Variants in ACVR2A observed in about 807,000 individuals in gnomAD.
ACVR2A encodes the protein activin receptor type-2A.
Under a neutral mutation model 61.4 loss-of-function variants are expected in ACVR2A, and 7 were observed. The observed-to-expected ratio is 0.11, with a 90% CI of 0.06 to 0.21. The LOEUF (loss-of-function observed/expected upper bound fraction) is 0.21, where lower values mean the gene tolerates loss of function less well. ACVR2A is among the 10% of genes least tolerant of loss of function. The pLI is 1.00. For missense variants in ACVR2A, 322 were observed against 621.7 expected, an observed-to-expected ratio of 0.52 and a Z score of 5.13; for synonymous variants, 193 against 208.3, an observed-to-expected ratio of 0.93 and a Z score of 0.63.
chr2:147,892,434 C>T lies in ACVR2A; in HGVS notation c.56-3867C>T, dbSNP rs569068076. On this transcript the variant is annotated intron_variant, in intron 1 of 10. Transcript: ENST00000241416. ...TCTGTGCTAGTATATTGTAGAACCA[C>T]TGTTCTCAAACTTTTTAGTCTCAGG... is the stretch of plus-strand genomic sequence containing the variant. Among the ~76,000 whole-genome samples, 250 of 150,606 alleles carry T rather than the reference C, an allele frequency of 1.7e-3. 1 individual carries two copies. The highest frequency in any genetic ancestry group is 5.6e-3 in the African/African-American group (230 of 40,996).
chr2:147,876,195 T>G (rs973553189), intron 1 of ACVR2A, among the ~76,000 whole-genome samples: 2 of 152,158 alleles, frequency 1.3e-5, no homozygotes, highest in Non-Finnish European at 2.9e-5. Flanking sequence ...TTTTTGGTCC[T>G]CTTTCCTCTT....
In ACVR2A at chr2:147,899,985, G is replaced by T. The variant is rs1440680245; in HGVS notation, c.528+87G>T. The T allele has an allele frequency of 6.5e-6, 9 of 1,393,040 alleles. No homozygotes were observed. In the African/African-American group the frequency reaches 1.2e-4, roughly 18 times the overall value. The allele number at this position is 1,393,040 out of a possible 1,614,324, so 86.3% of individuals were successfully genotyped here. ...TGGTGAAACCCACTAACTTATTACA[G>T]ATTATTTTCCTTTGGAGTTAATTTT... On this transcript the variant is annotated intron_variant, in intron 4 of 10. Coordinates refer to ENST00000241416, the MANE Select transcript of ACVR2A (RefSeq NM_001616.5).
chr2:147,854,810 G>T (rs1212597230), intron 1 of ACVR2A, among the ~76,000 whole-genome samples: 1 of 152,156 alleles, frequency 6.6e-6, no homozygotes, highest in East Asian at 1.9e-4. Context: ...TGCTCGGACA[G>T]AAACTAACAG....
chr2:147,909,685 G>A (rs930202586), intron 4 of ACVR2A, among the ~76,000 whole-genome samples: 2 of 151,876 alleles, frequency 1.3e-5, no homozygotes, highest in African/African-American at 2.4e-5. Flanking sequence ...TCACCCAGGC[G>A]GGAATGCAGT....
At chr2:147,871,827 T>G (rs1686026652) in intron 1 of ACVR2A, among the ~76,000 whole-genome samples, 2 of 152,132 alleles carry the variant, frequency 1.3e-5, no homozygotes. Context: ...TTCTTGCTCT[T>G]CTTTTAATCG....
intron 1 of ACVR2A, among the ~76,000 whole-genome samples, chr2:147,846,392 GTGTGTGTT>G (rs1056732560): frequency 1.3e-5 from 2 of 151,626 alleles, no homozygotes; most frequent in Admixed American, 6.6e-5. Flanking sequence ...GGGTGTGTGT[GTGTGTGTT>G]TGTGTGTTTG....
intron 1 of ACVR2A, among the ~76,000 whole-genome samples, chr2:147,849,515 T>C (rs1434220662): frequency 2.0e-5 from 3 of 152,208 alleles, no homozygotes; most frequent in Admixed American, 2.0e-4. Context: ...TGGTTACCGT[T>C]AGACTAATTC....
intron 4 of ACVR2A, among the ~76,000 whole-genome samples, chr2:147,908,698 T>C (rs1233785253): frequency 6.6e-6 from 1 of 152,242 alleles, no homozygotes; most frequent in East Asian, 1.9e-4. Context: ...GTAAAATAAT[T>C]AGTTGATATT....
At chr2:147,887,624 G>C (rs1686474154) in intron 1 of ACVR2A, among the ~76,000 whole-genome samples, 1 of 151,982 alleles carries the variant, frequency 6.6e-6, no homozygotes, top group African/African-American at 2.4e-5. Flanking sequence ...ACAAATAATT[G>C]CATATATTTA....
chr2:147,863,888 A>G (rs1685788942), intron 1 of ACVR2A, among the ~76,000 whole-genome samples: 1 of 152,250 alleles, frequency 6.6e-6, no homozygotes, highest in Admixed American at 6.5e-5. Context: ...CCACTTGAGT[A>G]ATTAGAGAAT....
At chr2:147,871,548 A>G (rs1686018835) in intron 1 of ACVR2A, among the ~76,000 whole-genome samples, 1 of 152,128 alleles carries the variant, frequency 6.6e-6, no homozygotes, top group African/African-American at 2.4e-5. Context: ...TTTATATCAG[A>G]TATATCAATA....
intron 5 of ACVR2A, 55 bp downstream of exon 5, chr2:147,915,389 A>G (rs1414096780): frequency 8.1e-6 from 13 of 1,598,596 alleles, no homozygotes; most frequent in East Asian, 2.2e-5. Context: ...CTAGGTCATC[A>G]TAACTCAGAA....
intron 1 of ACVR2A, among the ~76,000 whole-genome samples, chr2:147,881,487 T>C (rs1428354376): frequency 6.6e-6 from 1 of 152,026 alleles, no homozygotes; most frequent in Non-Finnish European, 1.5e-5. Context: ...CTTGAATTTT[T>C]TTTTTCTTTC....
chr2:147,894,939 C>T (rs1686691869), intron 1 of ACVR2A, among the ~76,000 whole-genome samples: 1 of 151,978 alleles, frequency 6.6e-6, no homozygotes, highest in Non-Finnish European at 1.5e-5. Flanking sequence ...TCAGTCTACA[C>T]ATATGTGGAT....
intron 1 of ACVR2A, among the ~76,000 whole-genome samples, chr2:147,846,772 A>G (rs1685322150): frequency 6.6e-6 from 1 of 152,168 alleles, no homozygotes; most frequent in Non-Finnish European, 1.5e-5. Flanking sequence ...TTATCTTTCC[A>G]GTAGTACTCT....
At chr2:147,862,979 G>A (rs550736785) in intron 1 of ACVR2A, among the ~76,000 whole-genome samples, 1 of 152,114 alleles carries the variant, frequency 6.6e-6, no homozygotes, top group African/African-American at 2.4e-5. Flanking sequence ...GTGCTATTAA[G>A]TTTTCATGAT....
chr2:147,858,720 A>G (rs1327073684), intron 1 of ACVR2A, among the ~76,000 whole-genome samples: 3 of 152,206 alleles, frequency 2.0e-5, no homozygotes, highest in African/African-American at 7.2e-5. Context: ...AAAGGGCCAG[A>G]TAGTATTTTA....
rs564648408 is a variant in ACVR2A, at chr2:147,912,405, T to G, written c.529-2786T>G. Among the ~76,000 whole-genome samples, 4 of 152,088 alleles carry G rather than the reference T, an allele frequency of 2.6e-5. No individual in the cohort carries two copies. The East Asian group carries it at 7.7e-4, about 29-fold the overall frequency. The stretch of plus-strand genomic sequence containing the variant: ...GAAATTTAGGGAAGTTTTTAGGAAT[T>G]CTGAAATCCTTCTAGGTGCCTCTCA... On this transcript the variant is annotated intron_variant, in intron 4 of 10. Transcript: ENST00000241416.
rs766939538 is a variant in ACVR2A at position 147,845,109 on chromosome 2, T to A, written c.-44T>A. ...TCCGAGGAAGACCCAGGGAACTGGA[T>A]ATCTAGCGAGAACTTCCTCCGGATT... On this transcript the variant is annotated 5_prime_UTR_variant, in exon 1 of 11. Transcript: ENST00000241416. The A allele has an allele frequency of 7.2e-6, 11 of 1,537,850 alleles. No individual in the cohort carries two copies. The South Asian group carries it at 1.2e-4, about 17-fold the overall frequency.
Sources: gnomAD v4.1 joint callset for allele counts (sites outside exome capture counted in the v4.1 genomes callset) on GRCh38, gnomAD v4.1.1 for gene constraint, MANE v1.5 for transcripts, NCBI Gene and HGNC (gene_info 2026-07-23, HGNC 2026-07-21) for gene names.